Variants in SLC9C1 observed in about 807,000 individuals in gnomAD.
The protein encoded by SLC9C1 is solute carrier family 9 member C1.
In SLC9C1, 97 loss-of-function variants were observed where a neutral mutation model predicts 140.9. That is an observed-to-expected ratio of 0.69 (90% CI 0.58 to 0.82). The LOEUF (loss-of-function observed/expected upper bound fraction) is 0.82. Among genes scored for constraint, SLC9C1 ranks in the 40% least tolerant of loss-of-function variants. SLC9C1 has a pLI of 0.00. For synonymous variants in SLC9C1, 440 were observed against 442.6 expected, an observed-to-expected ratio of 0.99 and a Z score of 0.07; for missense variants, 1,340 against 1,389.3, an observed-to-expected ratio of 0.96 and a Z score of 0.56.
At chr3:112,174,237 G>A (rs1286845797) in intron 23 of SLC9C1, among the ~76,000 whole-genome samples, 1 of 152,182 alleles carries the variant, frequency 6.6e-6, no homozygotes, top group Admixed American at 6.5e-5. Flanking sequence ...TCTGTAAGTT[G>A]TTGCCCCTGG....
At chr3:112,156,993 G>A (rs2075143780) in intron 26 of SLC9C1, among the ~76,000 whole-genome samples, 1 of 152,046 alleles carries the variant, frequency 6.6e-6, no homozygotes, top group South Asian at 2.1e-4. Context: ...TTTGTAGACT[G>A]TTTCCTTTGT....
chr3:112,217,481 C>A lies in SLC9C1; in HGVS notation c.1751G>T (p.Trp584Leu), dbSNP rs771632132. The change falls in exon 15 of 29, where the codon TGG becomes TTG. Residue 584 changes from tryptophan (W) to leucine (L), a missense_variant. Coordinates refer to ENST00000305815, the MANE Select transcript of SLC9C1 (RefSeq NM_183061.3). ...TTTTTCCTTTCTGGTATTATACACC[C>A]AATTAAGTAGTAGTTTTCTAGCAAA... is the stretch of plus-strand genomic sequence containing the variant. ...VTFARKLLLN[W>L]VYNTRKEKEG... 8.1e-6 allele frequency: 13 copies of A among 1,609,032 alleles called. No homozygotes were observed. The South Asian group carries it at 1.2e-4, about 15-fold the overall frequency.
At chr3:112,142,766 A>G (rs2074669673) in intron 28 of SLC9C1, among the ~76,000 whole-genome samples, 1 of 152,174 alleles carries the variant, frequency 6.6e-6, no homozygotes, top group Non-Finnish European at 1.5e-5. Context: ...CCAGGGATAC[A>G]TGTGCAAGTT....
chr3:112,224,198 G>A (rs1441960100), intron 13 of SLC9C1, among the ~76,000 whole-genome samples: 1 of 152,150 alleles, frequency 6.6e-6, no homozygotes, highest in Non-Finnish European at 1.5e-5. Context: ...GGCACTCACA[G>A]GCATCAATGA....
At chr3:112,252,489 G>A (rs1291469906) in intron 10 of SLC9C1, among the ~76,000 whole-genome samples, 2 of 152,200 alleles carry the variant, frequency 1.3e-5, no homozygotes, top group Admixed American at 1.3e-4. Flanking sequence ...GGAGGTTTAA[G>A]CAGACCCCCA....
intron 13 of SLC9C1, among the ~76,000 whole-genome samples, chr3:112,226,395 G>A (rs989617767): frequency 6.6e-6 from 1 of 151,962 alleles, no homozygotes; most frequent in African/African-American, 2.4e-5. Flanking sequence ...GCACTAAGAG[G>A]GAAATTTATA....
At chr3:112,153,280 C>G (rs2107859620) in intron 27 of SLC9C1, among the ~76,000 whole-genome samples, 1 of 151,770 alleles carries the variant, frequency 6.6e-6, no homozygotes, top group East Asian at 1.9e-4. Flanking sequence ...AAAAGCAGCA[C>G]TGTTTGAGGC....
At chr3:112,270,166 T>A (rs2080032869) in intron 6 of SLC9C1, 89 bp from the exon 7 acceptor site, 3 of 1,334,474 alleles carry the variant, frequency 2.2e-6, no homozygotes, top group Non-Finnish European at 2.0e-6. Context: ...CTTTTTGTCA[T>A]TATCTTTAAA....
chr3:112,205,554 TTA>T (rs2078024111), intron 16 of SLC9C1, among the ~76,000 whole-genome samples: 1 of 83,744 alleles, frequency 1.2e-5, no homozygotes. Context: ...AAAAACTACT[TTA>T]AAGTTCATAT....
intron 10 of SLC9C1, among the ~76,000 whole-genome samples, chr3:112,246,576 T>A (rs1411859568): frequency 6.6e-6 from 1 of 152,100 alleles, no homozygotes; most frequent in East Asian, 1.9e-4. Flanking sequence ...TGCTTCTAAG[T>A]TCCAGACAAA....
At position 112,208,251 on chromosome 3, in the gene SLC9C1, A is replaced by C; in HGVS notation, c.1913T>G (p.Val638Gly). The change falls in exon 16 of 29, where the codon GTA becomes GGA. Residue 638 changes from valine (V) to glycine (G), a missense_variant. Transcript: ENST00000305815. ...GTGTTTTAATTCGCTGTGGTAGATT[A>C]CATTTAACTGGGATATCCAAGAGAT... ...FIISWISQLN[V>G]IYHSELKHTN... is the part of the protein sequence containing the mutation. 1 of 1,612,306 alleles carries C rather than the reference A, an allele frequency of 6.2e-7. No individual in the cohort carries two copies. The highest frequency in any genetic ancestry group is 8.5e-7 in the Non-Finnish European group (1 of 1,179,076).
intron 20 of SLC9C1, chr3:112,185,824 C>T: frequency 6.3e-7 from 1 of 1,580,206 alleles, no homozygotes; most frequent in Non-Finnish European, 8.5e-7. Context: ...AGGGGAGTGC[C>T]CTCCTCCTCG....
At position 112,221,130 on chromosome 3, in the gene SLC9C1, T is replaced by C; in HGVS notation, c.1668A>G (p.Gly556=). The C allele has an allele frequency of 2.5e-6, 4 of 1,612,232 alleles. No individual in the cohort carries two copies. The highest frequency in any genetic ancestry group is 3.4e-6 in the Non-Finnish European group (4 of 1,178,548). ...GAAESFGEKK[G]KCMSLDTIKN... ...CCATCTCTTGAGAATATACTTACTTTCCCTTCTTCTCACCAAAACTTTCTG... is the reference window on the plus strand; with the variant it reads ...CCATCTCTTGAGAATATACTTACTTCCCCTTCTTCTCACCAAAACTTTCTG... The change falls in exon 14 of 29, where the codon GGA becomes GGG. Residue 556 remains glycine, a splice_region_variant and synonymous_variant. Transcript: ENST00000305815.
intron 10 of SLC9C1, among the ~76,000 whole-genome samples, chr3:112,260,353 A>AT (rs2079737887): frequency 6.6e-6 from 1 of 151,404 alleles, no homozygotes; most frequent in African/African-American, 2.4e-5. Context: ...TCCTATGTCC[A>AT]TTTTTTTCTT....
intron 2 of SLC9C1, among the ~76,000 whole-genome samples, chr3:112,285,854 C>T (rs1231032335): frequency 6.6e-6 from 1 of 152,124 alleles, no homozygotes; most frequent in Non-Finnish European, 1.5e-5. Context: ...GCAATATCCA[C>T]CTCCTGGCTC....
At chr3:112,217,593 T>A (rs776306692) in intron 14 of SLC9C1, 32 bp from the exon 15 acceptor site, 2 of 1,539,630 alleles carry the variant, frequency 1.3e-6, no homozygotes, top group Non-Finnish European at 1.7e-6. Context: ...TAAACATGCT[T>A]TAAACATTTT....
chr3:112,186,315 TTTA>T (rs1432365288), intron 20 of SLC9C1, among the ~76,000 whole-genome samples: 2 of 152,202 alleles, frequency 1.3e-5, no homozygotes, highest in Non-Finnish European at 2.9e-5. Context: ...CTTCTAGAAG[TTTA>T]TTGTTTTACC....
intron 12 of SLC9C1, among the ~76,000 whole-genome samples, chr3:112,233,721 A>G (rs1325740905): frequency 6.7e-6 from 1 of 150,170 alleles, no homozygotes; most frequent in Admixed American, 6.8e-5. Flanking sequence ...ATGAGTGAGA[A>G]CATGCAGTGT....
intron 28 of SLC9C1, among the ~76,000 whole-genome samples, chr3:112,144,702 G>A (rs921406686): frequency 3.3e-5 from 5 of 152,076 alleles, no homozygotes; most frequent in Non-Finnish European, 4.4e-5. Context: ...GTGTGTGTGT[G>A]TATATATTGT....
Sources: allele counts gnomAD v4.1 joint callset (sites outside exome capture counted in the v4.1 genomes callset), GRCh38; gene constraint gnomAD v4.1.1; transcripts MANE v1.5; gene names NCBI Gene and HGNC (gene_info 2026-07-23, HGNC 2026-07-21).